Variants in SEMA4G observed in about 807,000 individuals in gnomAD.
SEMA4G encodes the protein semaphorin-4G.
Under a neutral mutation model 81.2 loss-of-function variants are expected in SEMA4G, and 59 were observed. That is an observed-to-expected ratio of 0.73 (90% confidence interval 0.59 to 0.90). The LOEUF is 0.90. Among genes scored for constraint, SEMA4G ranks in the 40% least tolerant of loss-of-function variants. The probability of loss-of-function intolerance (pLI) is 0.00; values close to 1 mark genes in which losing one functional copy is unlikely to be tolerated. For missense variants in SEMA4G, 952 were observed against 1,102.3 expected (o/e 0.86, Z 1.93); for synonymous variants, 404 against 433.9 (o/e 0.93, Z 0.86).
rs774913495 is a variant in SEMA4G, at chr10:100,979,943, G to A, written c.1079G>A (p.Arg360Gln). 6.2e-6 allele frequency: 10 copies of A among 1,614,140 alleles called. No homozygotes were observed. In the Admixed American group the frequency reaches 8.3e-5, roughly 13 times the overall value. Residue 360 changes from arginine (R) to glutamine (Q), a missense_variant, in exon 9 of 14, where the codon CGG becomes CAG. By Grantham distance (43) the Arg-to-Gln change is conservative (BLOSUM62 1). Transcript: ENST00000370250. ...TATATGGAATACCAGGATGGTTCCC[G>A]GCGCTGGGGTCGCTATGAGGGTGGG...
chr10:100,979,294 G>A (rs1354135008), intron 8 of SEMA4G, 23 bp downstream of exon 9: 1 of 1,614,178 alleles, frequency 6.2e-7, no homozygotes, highest in Non-Finnish European at 8.5e-7. Context: ...ACAATCGGGA[G>A]GCAAGAAACT....
chr10:100,980,860 G>A (rs2133887370), exon 12 of SEMA4G: 1 of 1,604,864 alleles, frequency 6.2e-7, no homozygotes, highest in Non-Finnish European at 8.5e-7. Context: ...GAGTCATCCA[G>A]CTACCACTCT....
chr10:100,979,002 T>C, exon 7 of SEMA4G: 1 of 1,614,148 alleles, frequency 6.2e-7, no homozygotes, highest in Admixed American at 1.7e-5. Flanking sequence ...GTGGCCCGTG[T>C]GGCTCGTGTC....
exon 1 of SEMA4G, chr10:100,972,746 C>A: frequency 1.6e-6 from 1 of 609,070 alleles, no homozygotes; most frequent in Non-Finnish European, 2.8e-6. Context: ...TTCCAGGACC[C>A]CCCATGGCCC....
intron 13 of SEMA4G, chr10:100,981,605 A>T (rs1184584347): frequency 1.3e-6 from 2 of 1,585,426 alleles, no homozygotes; most frequent in East Asian, 4.5e-5. Flanking sequence ...ACTGTGTGCC[A>T]GACACTGATC....
chr10:100,974,241 G>A (rs571799995), intron 3 of SEMA4G, among the ~76,000 whole-genome samples: 46 of 152,104 alleles, frequency 3.0e-4, no homozygotes, highest in Non-Finnish European at 5.7e-4. Flanking sequence ...GAGGGTAGGA[G>A]GACAACTTGA....
intron 3 of SEMA4G, chr10:100,974,961 A>T (rs202159970): frequency 5.4e-4 from 269 of 502,666 alleles, no homozygotes; most frequent in East Asian, 2.0e-3. Flanking sequence ...AAAAATAATT[A>T]AAAAAAAATT....
At chr10:100,978,362 C>T (rs746889193) in exon 5 of SEMA4G, 2 of 1,613,378 alleles carry the variant, frequency 1.2e-6, no homozygotes, top group Admixed American at 1.7e-5. Flanking sequence ...TATGACCCAG[C>T]CCGTGGCTTC....
At chr10:100,979,154 A>G in exon 8 of SEMA4G, 1 of 1,614,142 alleles carries the variant, frequency 6.2e-7, no homozygotes, top group South Asian at 1.1e-5. Context: ...TCCTTCCTGA[A>G]AGCCCGTCTC....
At chr10:100,980,738 A>C (rs1278304421) in intron 11 of SEMA4G, 45 bp downstream of exon 12, 1 of 1,608,092 alleles carries the variant, frequency 6.2e-7, no homozygotes, top group East Asian at 2.2e-5. Context: ...CTGAAATAGG[A>C]AGAGGGAGTG....
downstream of SEMA4G, chr10:100,985,015 T>C: frequency 8.8e-7 from 1 of 1,142,088 alleles, no homozygotes; most frequent in East Asian, 2.6e-5. Flanking sequence ...CTTGGACCTG[T>C]CTGTTGGGTT....
At chr10:100,971,553 T>C (rs760007718), upstream of SEMA4G, among the ~76,000 whole-genome samples, 4 of 152,158 alleles carry the variant, frequency 2.6e-5, no homozygotes, top group African/African-American at 9.7e-5. Flanking sequence ...CAAGGCCAGA[T>C]AGTTAATATT....
exon 14 of SEMA4G, chr10:100,983,474 A>C: frequency 1.2e-6 from 2 of 1,614,186 alleles, no homozygotes; most frequent in Non-Finnish European, 1.7e-6. Context: ...TGCTGGTTAC[A>C]GATGCACAGC....
exon 6 of SEMA4G, chr10:100,978,566 G>A (rs1419465318): frequency 6.2e-7 from 1 of 1,614,150 alleles, no homozygotes; most frequent in Admixed American, 1.7e-5. Flanking sequence ...GAATTCCGGA[G>A]CATTCCTGAC....
upstream of SEMA4G, among the ~76,000 whole-genome samples, chr10:100,970,781 A>C (rs961814830): frequency 1.3e-5 from 2 of 152,206 alleles, no homozygotes; most frequent in African/African-American, 4.8e-5. Flanking sequence ...GCACACATGT[A>C]CTTGACCCTT....
intron 6 of SEMA4G, 52 bp from the exon 8 acceptor site, chr10:100,978,797 G>A (rs1850916915): frequency 3.1e-6 from 5 of 1,597,658 alleles, no homozygotes; most frequent in Non-Finnish European, 4.3e-6. Context: ...CAGAGTGAGG[G>A]AAAGGAATCC....
intron 8 of SEMA4G, chr10:100,979,477 G>C: frequency 7.4e-7 from 1 of 1,355,294 alleles, no homozygotes; most frequent in Non-Finnish European, 9.9e-7. Flanking sequence ...CCGCCTCCCG[G>C]GTTCAAGTGA....
At chr10:100,981,051 C>A (rs1564797798) in intron 12 of SEMA4G, 54 bp downstream of exon 13, 1 of 1,596,390 alleles carries the variant, frequency 6.3e-7, no homozygotes, top group Non-Finnish European at 8.5e-7. Context: ...AGGAGGAAGG[C>A]CTGATAGCTA....
At chr10:100,975,832 G>A (rs762385063) in intron 3 of SEMA4G, among the ~76,000 whole-genome samples, 10 of 152,066 alleles carry the variant, frequency 6.6e-5, no homozygotes, top group South Asian at 2.1e-4. Context: ...CCCGGGAGGC[G>A]GAGGTTGCAG....
Sources: gnomAD v4.1 joint callset for allele counts (sites outside exome capture counted in the v4.1 genomes callset) on GRCh38, gnomAD v4.1.1 for gene constraint, MANE v1.5 for transcripts, NCBI Gene and HGNC (gene_info 2026-07-23, HGNC 2026-07-21) for gene names.